The following FNDC1 variants were observed in gnomAD, a reference collection of about 807,000 sequenced individuals.
FNDC1 encodes fibronectin type III domain-containing protein 1.
In FNDC1, 96 loss-of-function variants were observed where a neutral mutation model predicts 168.0. The ratio of observed to expected loss-of-function variants is 0.57; its 90% confidence interval spans 0.48 to 0.68. The LOEUF is 0.68. FNDC1 is among the 30% of genes least tolerant of loss of function. The pLI is 0.00. For missense variants in FNDC1, 2,587 were observed against 2,482.1 expected (o/e 1.04, Z -0.90); for synonymous variants, 1,099 against 1,025.9 (o/e 1.07, Z -1.36).
intron 18 of FNDC1, among the ~76,000 whole-genome samples, chr6:159,259,158 G>A (rs1777430155): frequency 6.6e-6 from 1 of 152,192 alleles, no homozygotes; most frequent in Non-Finnish European, 1.5e-5. Context: ...TTTGTTACTT[G>A]GCTGAGGCAG....
At chr6:159,230,897 T>A (rs1783068893) in intron 10 of FNDC1, among the ~76,000 whole-genome samples, 1 of 152,254 alleles carries the variant, frequency 6.6e-6, no homozygotes, top group South Asian at 2.1e-4. Context: ...TCAGTCAGTC[T>A]GCTCTGAAGA....
At chr6:159,215,273 C>A in intron 5 of FNDC1, 122 bp downstream of exon 5, 1 of 875,174 alleles carries the variant, frequency 1.1e-6, no homozygotes, top group Non-Finnish European at 1.8e-6. Flanking sequence ...CCAGATGTTA[C>A]AATGATTTGA....
At chr6:159,222,310 A>G (rs1019494846) in intron 6 of FNDC1, among the ~76,000 whole-genome samples, 7 of 152,354 alleles carry the variant, frequency 4.6e-5, no homozygotes, top group Admixed American at 4.6e-4. Context: ...AGTTCACAAC[A>G]TAAAATGAAA....
At chr6:159,271,015 T>A (rs1002137149) in intron 22 of FNDC1, among the ~76,000 whole-genome samples, 1 of 152,178 alleles carries the variant, frequency 6.6e-6, no homozygotes, top group Non-Finnish European at 1.5e-5. Context: ...ACTGGGTTCC[T>A]ATGGAGGAGG....
rs1488940188 is a variant in FNDC1, at chr6:159,232,191, A to G, written c.1679A>G (p.Gln560Arg). ...TCGCCCATGTCACCCTCAGACACCC[A>G]AGACCAGAAACGGACCCTGAGGCCG... The part of the protein sequence containing the change: ...EDSPMSPSDT[Q>R]DQKRTLRPPS... Residue 560 changes from glutamine (Q) to arginine (R), a missense_variant, in exon 11 of 23, where the codon CAA (glutamine) becomes CGA (arginine). By Grantham distance (43) the Gln-to-Arg change is conservative. Coordinates refer to ENST00000297267, the MANE Select transcript of FNDC1 (RefSeq NM_032532.3). This position sits in a 1 kb window ranked among gnomAD's most constrained non-coding sequence, Gnocchi z 4.9. 1.2e-6 allele frequency: 2 copies of G among 1,613,744 alleles called. No homozygotes were observed. The highest frequency in any genetic ancestry group is 2.2e-5 in the East Asian group (1 of 44,852).
chr6:159,184,028 T>G (rs1781940953), intron 1 of FNDC1, among the ~76,000 whole-genome samples: 1 of 152,266 alleles, frequency 6.6e-6, no homozygotes, highest in South Asian at 2.1e-4. Flanking sequence ...GTCCATAGTT[T>G]CAGATGGGTC....
intron 1 of FNDC1, among the ~76,000 whole-genome samples, chr6:159,183,798 A>G (rs1383125086): frequency 6.6e-6 from 1 of 152,208 alleles, no homozygotes; most frequent in Non-Finnish European, 1.5e-5. Flanking sequence ...GTTGTCGGAC[A>G]TAGAGTAAGC....
chr6:159,247,094 C>T lies in FNDC1; in HGVS notation c.4690+125C>T, dbSNP rs571961882. 55 of 728,240 alleles carry T rather than the reference C, an allele frequency of 7.6e-5. 1 individual carries two copies. Among genetic ancestry groups the T allele is most frequent in the South Asian group, 2.6e-4 (16 of 62,292 alleles). The allele number at this position is 728,240 out of a possible 1,614,324, so 45.1% of individuals were successfully genotyped here. Reference sequence around the variant, plus strand: ...TAGAGCTTTGGGCCGGTGGCAATGCCGAGGGCTGGCTTAGGGAAGGGTGGT... The same window carrying T: ...TAGAGCTTTGGGCCGGTGGCAATGCTGAGGGCTGGCTTAGGGAAGGGTGGT... On this transcript the variant is annotated intron_variant, in intron 15 of 22. Transcript: ENST00000297267.
intron 22 of FNDC1, among the ~76,000 whole-genome samples, chr6:159,269,597 G>GTCCA (rs1554229990): frequency 1.5e-4 from 19 of 123,950 alleles, no homozygotes; most frequent in Non-Finnish European, 2.6e-4. Context: ...CTGTCTGTCT[G>GTCCA]TCTATCTATC....
Position 159,239,872 on chromosome 6 carries a change from T to C in FNDC1, c.4536T>C (p.Cys1512=), listed in dbSNP as rs2115001540. The change falls in exon 14 of 23, where the codon TGT becomes TGC. Residue 1512 remains cysteine, a synonymous_variant. Transcript: ENST00000297267. ...TPTPTTPIPT[C]PPGTLERHDD... ...CACCCACCACTCCCATCCCCACCTG[T>C]CCCCCTGGGACCTTGGAACGGCACG... 1 of 1,548,156 alleles carries C rather than the reference T, an allele frequency of 6.5e-7. No homozygotes were observed. The highest frequency in any genetic ancestry group is 8.7e-7 in the Non-Finnish European group (1 of 1,145,210).
intron 1 of FNDC1, among the ~76,000 whole-genome samples, chr6:159,185,076 G>GC (rs936304710): frequency 3.0e-4 from 28 of 93,344 alleles, no homozygotes; most frequent in African/African-American, 1.0e-3. Flanking sequence ...GTGGGGGGGG[G>GC]GGAATCTTGT....
intron 1 of FNDC1, among the ~76,000 whole-genome samples, chr6:159,189,099 C>T (rs773355231): frequency 1.3e-5 from 2 of 152,134 alleles, no homozygotes; most frequent in Admixed American, 6.6e-5. Flanking sequence ...TCTAGCCCAT[C>T]GGGGTCTGAC....
intron 12 of FNDC1, 144 bp downstream of exon 12, chr6:159,236,459 TTTA>T: frequency 1.7e-6 from 1 of 604,098 alleles, no homozygotes; most frequent in Non-Finnish European, 2.9e-6. Context: ...TTGTATAGAG[TTTA>T]TTTTAATACT....
chr6:159,206,932 G>A (rs765431620), intron 4 of FNDC1, among the ~76,000 whole-genome samples: 6 of 152,148 alleles, frequency 3.9e-5, no homozygotes, highest in Non-Finnish European at 7.3e-5. Flanking sequence ...TCCGGTGCTC[G>A]TTTCAAAGCT....
chr6:159,232,452 C>T lies in FNDC1; in HGVS notation c.1940C>T (p.Ser647Leu), dbSNP rs1394524138. Residue 647 changes from serine (S) to leucine (L), a missense_variant, in exon 11 of 23, where the codon TCA becomes TTA. Coordinates refer to ENST00000297267, the MANE Select transcript of FNDC1 (RefSeq NM_032532.3). The surrounding 1 kb of genome is among the most constrained non-coding windows in gnomAD (Gnocchi z 4.9). ...TTGAATGACAACGACTTGGTGGACT[C>T]AGACGAAGATGAGCGCGCTGTGGGC... The part of the protein sequence containing the change: ...ASLNDNDLVD[S>L]DEDERAVGSL... The T allele has an allele frequency of 6.2e-7, 1 of 1,612,014 alleles. No homozygotes were observed. The highest frequency in any genetic ancestry group is 8.5e-7 in the Non-Finnish European group (1 of 1,178,664).
chr6:159,266,419 T>C (rs2115032549), intron 21 of FNDC1, among the ~76,000 whole-genome samples, 174 bp downstream of exon 21: 1 of 152,250 alleles, frequency 6.6e-6, no homozygotes, highest in East Asian at 1.9e-4. Flanking sequence ...GATACTAGTT[T>C]TTACACTGGC....
Position 159,221,585 on chromosome 6 carries a change from C to T in FNDC1, c.668-13C>T, listed in dbSNP as rs1424181577. 2.5e-6 allele frequency: 4 copies of T among 1,610,018 alleles called. No homozygotes were observed. The African/African-American group carries it at 4.0e-5, about 16-fold the overall frequency. On this transcript the variant is annotated splice_polypyrimidine_tract_variant and intron_variant, in intron 5 of 22. Transcript: ENST00000297267. ...GGAAGTCAGAATCTCATCCCTCACT[C>T]CCTGGTCCACAGCCTCGGAATCCGT...
At chr6:159,243,499 C>A (rs548536304) in intron 14 of FNDC1, among the ~76,000 whole-genome samples, 1 of 151,946 alleles carries the variant, frequency 6.6e-6, no homozygotes, top group Non-Finnish European at 1.5e-5. Flanking sequence ...ATCTCTGGAG[C>A]AAAAGCCTTA....
chr6:159,192,997 A>T (rs1417616359), intron 1 of FNDC1, among the ~76,000 whole-genome samples: 1 of 152,170 alleles, frequency 6.6e-6, no homozygotes, highest in Non-Finnish European at 1.5e-5. Flanking sequence ...AGATTCACAG[A>T]GTCTCTGAAT....
Sources: gnomAD v4.1 joint callset for allele counts (sites outside exome capture counted in the v4.1 genomes callset) on GRCh38, gnomAD v4.1.1 for gene constraint, Gnocchi (gnomAD v3.1) non-coding constraint, MANE v1.5 for transcripts, NCBI Gene and HGNC (gene_info 2026-07-23, HGNC 2026-07-21) for gene names.